The following CNTN5 variants were observed in gnomAD, a reference collection of about 807,000 sequenced individuals.
CNTN5 encodes contactin-5.
A neutral mutation model predicts 129.1 loss-of-function variants in CNTN5; 77 were observed. The ratio of observed to expected loss-of-function variants is 0.60; its 90% CI spans 0.50 to 0.72. The LOEUF (loss-of-function observed/expected upper bound fraction) is 0.72. CNTN5 is among the 30% of genes least tolerant of loss of function. The probability of loss-of-function intolerance (pLI) is 0.00; values close to 1 mark genes in which losing one functional copy is unlikely to be tolerated. For synonymous variants in CNTN5, 509 were observed against 465.6 expected, an observed-to-expected ratio of 1.09 and a Z score of -1.20; for missense variants, 1,478 against 1,328.8, an observed-to-expected ratio of 1.11 and a Z score of -1.75.
chr11:99,127,191 T>C (rs1858680901), intron 1 of CNTN5, among the ~76,000 whole-genome samples: 1 of 152,194 alleles, frequency 6.6e-6, no homozygotes, highest in African/African-American at 2.4e-5. Context: ...TTATATTTAT[T>C]ACTTCGCTCA....
intron 13 of CNTN5, among the ~76,000 whole-genome samples, chr11:100,142,721 C>A (rs1358213352): frequency 6.6e-6 from 1 of 151,998 alleles, no homozygotes; most frequent in Admixed American, 6.6e-5. Context: ...TCTTGGTTAC[C>A]CTGAACACAT....
chr11:99,686,678 A>G (rs1167575339), intron 3 of CNTN5, among the ~76,000 whole-genome samples: 1 of 152,024 alleles, frequency 6.6e-6, no homozygotes, highest in Admixed American at 6.6e-5. Flanking sequence ...TTTCGGGTGT[A>G]TATTTTCGGG....
At chr11:100,183,658 G>A (rs1948207479) in intron 13 of CNTN5, among the ~76,000 whole-genome samples, 2 of 152,110 alleles carry the variant, frequency 1.3e-5, no homozygotes, top group African/African-American at 4.8e-5. Flanking sequence ...ACACAGGGAT[G>A]CTTCTGAGGG....
chr11:99,696,083 T>C (rs1448610589), intron 3 of CNTN5, among the ~76,000 whole-genome samples: 2 of 152,126 alleles, frequency 1.3e-5, no homozygotes, highest in South Asian at 2.1e-4. Flanking sequence ...TACCAATGTT[T>C]ATTCTAAACT....
chr11:99,127,536 T>C (rs1858702752), intron 1 of CNTN5, among the ~76,000 whole-genome samples: 1 of 152,158 alleles, frequency 6.6e-6, no homozygotes, highest in African/African-American at 2.4e-5. Context: ...GCTAACTCCA[T>C]TGCATAAGAC....
chr11:99,339,081 A>G (rs1450530812), intron 2 of CNTN5, among the ~76,000 whole-genome samples: 1 of 151,174 alleles, frequency 6.6e-6, no homozygotes, highest in Non-Finnish European at 1.5e-5. Context: ...GGGGATGGAT[A>G]CCCCATCTCT....
intron 15 of CNTN5, among the ~76,000 whole-genome samples, chr11:100,220,308 A>G (rs1949237726): frequency 6.6e-6 from 1 of 152,080 alleles, no homozygotes; most frequent in Non-Finnish European, 1.5e-5. Flanking sequence ...TCCTCTTGGA[A>G]GAAGAAATAC....
chr11:99,688,105 T>C lies in CNTN5; in HGVS notation c.56-131439T>C, dbSNP rs149317319. On this transcript the variant is annotated intron_variant, in intron 3 of 24. Coordinates refer to ENST00000524871, the MANE Select transcript of CNTN5 (RefSeq NM_014361.4). ...CCCTTTGCGATATATTCACCCTGGTTATTTATTTCTTACTTGAAGAATCTA... is the reference window on the plus strand; with the variant it reads ...CCCTTTGCGATATATTCACCCTGGTCATTTATTTCTTACTTGAAGAATCTA... 9.8e-5 allele frequency among the ~76,000 whole-genome samples: 15 copies of C among 152,346 alleles called. No individual in the cohort carries two copies. The East Asian group carries it at 2.9e-3, about 29-fold the overall frequency.
At chr11:100,338,211 T>A (rs1952076749) in intron 21 of CNTN5, among the ~76,000 whole-genome samples, 2 of 152,200 alleles carry the variant, frequency 1.3e-5, no homozygotes, top group African/African-American at 4.8e-5. Flanking sequence ...CCTTTTGCTT[T>A]CAGCCAGCAC....
At chr11:99,308,875 G>C (rs1267559558) in intron 1 of CNTN5, among the ~76,000 whole-genome samples, 1 of 151,844 alleles carries the variant, frequency 6.6e-6, no homozygotes, top group African/African-American at 2.4e-5. Context: ...TTATTGACTT[G>C]TCTTCAAATG....
At chr11:99,800,875 C>T (rs1415462033) in intron 3 of CNTN5, among the ~76,000 whole-genome samples, 1 of 151,784 alleles carries the variant, frequency 6.6e-6, no homozygotes, top group Non-Finnish European at 1.5e-5. Flanking sequence ...TTATTTTATT[C>T]AAATTGCCAC....
chr11:99,566,163 T>C (rs1019017731), intron 3 of CNTN5, among the ~76,000 whole-genome samples: 1 of 152,098 alleles, frequency 6.6e-6, no homozygotes, highest in Non-Finnish European at 1.5e-5. Context: ...TGCCCTCCTC[T>C]TGGTAATGGG....
intron 1 of CNTN5, among the ~76,000 whole-genome samples, chr11:99,317,115 G>C (rs539980191): frequency 7.9e-5 from 12 of 152,280 alleles, no homozygotes; most frequent in African/African-American, 2.4e-4. Flanking sequence ...TGTCTGAAAA[G>C]CAGTTTTATT....
intron 2 of CNTN5, among the ~76,000 whole-genome samples, chr11:99,344,672 A>G (rs1937699163): frequency 6.6e-6 from 1 of 152,202 alleles, no homozygotes; most frequent in Non-Finnish European, 1.5e-5. Flanking sequence ...TTTAAATCAA[A>G]TGTCATCAGT....
At chr11:99,735,760 A>G (rs942883815) in intron 3 of CNTN5, among the ~76,000 whole-genome samples, 13 of 152,192 alleles carry the variant, frequency 8.5e-5, no homozygotes, top group Admixed American at 5.9e-4. Flanking sequence ...TAACATATTC[A>G]TCACCTCATA....
chr11:100,135,859 C>G (rs1211669143), intron 13 of CNTN5, among the ~76,000 whole-genome samples: 1 of 151,938 alleles, frequency 6.6e-6, no homozygotes, highest in African/African-American at 2.4e-5. Context: ...TCAATCATAA[C>G]TTATAGGTTG....
chr11:99,046,561 A>G (rs1864217852), intron 1 of CNTN5, among the ~76,000 whole-genome samples: 3 of 152,036 alleles, frequency 2.0e-5, no homozygotes, highest in Non-Finnish European at 4.4e-5. Context: ...TTACCAGTTT[A>G]CTCACTGGGT....
At chr11:99,034,835 T>G (rs907827774) in intron 1 of CNTN5, among the ~76,000 whole-genome samples, 1 of 150,910 alleles carries the variant, frequency 6.6e-6, no homozygotes, top group Non-Finnish European at 1.5e-5. Context: ...TTGCTCTTGC[T>G]TTTCTAGTTC....
intron 1 of CNTN5, among the ~76,000 whole-genome samples, chr11:99,157,693 A>G (rs1328439327): frequency 1.3e-5 from 2 of 152,166 alleles, no homozygotes; most frequent in Non-Finnish European, 2.9e-5. Flanking sequence ...AACTTTATAT[A>G]TCTTAAGCTA....
Sources: allele counts gnomAD v4.1 joint callset (sites outside exome capture counted in the v4.1 genomes callset), GRCh38; gene constraint gnomAD v4.1.1; transcripts MANE v1.5; gene names NCBI Gene and HGNC (gene_info 2026-07-23, HGNC 2026-07-21).